Variants in ITGA9 observed in about 807,000 individuals in gnomAD.
The protein encoded by ITGA9 is integrin subunit alpha 9.
A neutral mutation model predicts 127.8 loss-of-function variants in ITGA9; 56 were observed. The ratio of observed to expected loss-of-function variants is 0.44; its 90% CI spans 0.35 to 0.55. The LOEUF is 0.55. Ranked by LOEUF, ITGA9 falls within the 20% of genes least tolerant of loss-of-function variation. The probability of loss-of-function intolerance (pLI) is 0.00; values close to 1 mark genes in which losing one functional copy is unlikely to be tolerated. For missense variants in ITGA9, 1,196 were observed against 1,347.1 expected (o/e 0.89, Z 1.76); for synonymous variants, 508 against 514.5 (o/e 0.99, Z 0.17).
intron 17 of ITGA9, among the ~76,000 whole-genome samples, chr3:37,655,377 T>C (rs567092771): frequency 1.3e-5 from 2 of 152,378 alleles, no homozygotes; most frequent in South Asian, 4.1e-4. Flanking sequence ...GACTTTTTAA[T>C]GATTGCCATT....
intron 15 of ITGA9, among the ~76,000 whole-genome samples, chr3:37,618,590 T>G (rs1700097700): frequency 6.6e-6 from 1 of 152,226 alleles, no homozygotes; most frequent in Non-Finnish European, 1.5e-5. Flanking sequence ...CAGACCTCCT[T>G]GAGCTCCGGT....
intron 15 of ITGA9, among the ~76,000 whole-genome samples, chr3:37,566,361 C>T (rs750756447): frequency 1.4e-4 from 22 of 152,162 alleles, no homozygotes; most frequent in Non-Finnish European, 1.0e-4. Flanking sequence ...TTTCATCACA[C>T]TACTCAGAAT....
chr3:37,765,795 G>C (rs1696773270), intron 23 of ITGA9, among the ~76,000 whole-genome samples: 1 of 152,234 alleles, frequency 6.6e-6, no homozygotes, highest in African/African-American at 2.4e-5. Flanking sequence ...TGTGTGGCCA[G>C]AGAGAATAAA....
chr3:37,497,821 C>T lies in ITGA9; in HGVS notation c.612+3253C>T, dbSNP rs35580509. Among the ~76,000 whole-genome samples the T allele has an allele frequency of 4.2e-3, 634 of 152,268 alleles. 2 individuals are homozygous for T. Among genetic ancestry groups the T allele is most frequent in the Middle Eastern group, 0.02 (6 of 294 alleles). On this transcript the variant is annotated intron_variant, in intron 5 of 27. Coordinates refer to ENST00000264741, the MANE Select transcript of ITGA9 (RefSeq NM_002207.3). Reference sequence around the variant, plus strand: ...GGCAGTGGGAACCACTGTAAGTTCACAAGCAGGTGACACACTGGCAGATGG... The same window carrying T: ...GGCAGTGGGAACCACTGTAAGTTCATAAGCAGGTGACACACTGGCAGATGG...
intron 15 of ITGA9, among the ~76,000 whole-genome samples, chr3:37,590,403 A>T (rs1387473395): frequency 6.6e-6 from 1 of 152,184 alleles, no homozygotes; most frequent in Non-Finnish European, 1.5e-5. Context: ...GAGGGTGTGC[A>T]TGAGGGAGCC....
At chr3:37,800,375 C>T (rs1697223351) in intron 26 of ITGA9, among the ~76,000 whole-genome samples, 1 of 152,210 alleles carries the variant, frequency 6.6e-6, no homozygotes. Flanking sequence ...CCCTATCAGA[C>T]CGCCATTTCA....
At chr3:37,490,062 G>A (rs922689028) in intron 4 of ITGA9, among the ~76,000 whole-genome samples, 1 of 152,000 alleles carries the variant, frequency 6.6e-6, no homozygotes, top group Non-Finnish European at 1.5e-5. Context: ...GATCCTGAGT[G>A]GCGGGGTGAG....
chr3:37,728,191 C>G (rs1455508808), intron 18 of ITGA9, among the ~76,000 whole-genome samples: 1 of 152,112 alleles, frequency 6.6e-6, no homozygotes, highest in East Asian at 1.9e-4. Flanking sequence ...TGGAAGCAAT[C>G]AGAGCACAGA....
rs114107553 is a variant in ITGA9 at position 37,489,668 on chromosome 3, C to T, written c.545-4833C>T. ...TAAACTGAGGGTAGTTTTATTCTCT[C>T]TTCATTTTTCTGTATAATTGCCCTT... On this transcript the variant is annotated intron_variant, in intron 4 of 27. Coordinates refer to ENST00000264741, the MANE Select transcript of ITGA9 (RefSeq NM_002207.3). Among the ~76,000 whole-genome samples the T allele has an allele frequency of 3.3e-3, 482 of 145,510 alleles. 2 individuals are homozygous for T. Among genetic ancestry groups the T allele is most frequent in the African/African-American group, 0.011 (431 of 39,574 alleles).
At chr3:37,540,415 G>C (rs1360340299) in intron 14 of ITGA9, among the ~76,000 whole-genome samples, 2 of 152,264 alleles carry the variant, frequency 1.3e-5, no homozygotes, top group Non-Finnish European at 2.9e-5. Flanking sequence ...GTTCAGGGAA[G>C]TTGTGATCAG....
At chr3:37,666,010 G>T (rs1157296029) in intron 17 of ITGA9, among the ~76,000 whole-genome samples, 1 of 152,208 alleles carries the variant, frequency 6.6e-6, no homozygotes, top group Non-Finnish European at 1.5e-5. Context: ...GTGTTCATTC[G>T]TTTGACAAAT....
At chr3:37,549,275 CT>C (rs1699357764) in intron 15 of ITGA9, among the ~76,000 whole-genome samples, 1 of 152,242 alleles carries the variant, frequency 6.6e-6, no homozygotes, top group Admixed American at 6.5e-5. Flanking sequence ...GGCTCTTAAT[CT>C]TCTGCATTTG....
In ITGA9 at chr3:37,767,108, G is replaced by C. The variant is rs544556665; in HGVS notation, c.2542-10284G>C. On this transcript the variant is annotated intron_variant, in intron 23 of 27. Coordinates refer to ENST00000264741, the MANE Select transcript of ITGA9 (RefSeq NM_002207.3). The stretch of plus-strand genomic sequence containing the variant: ...GTCACACGCAAAGGAAGAGGGAGGA[G>C]GGGAGGATGCAGGGGCATTGTTTTA... Among the ~76,000 whole-genome samples, 42 of 152,328 alleles carry C rather than the reference G, an allele frequency of 2.8e-4. 1 individual carries two copies. In the South Asian group the frequency reaches 3.3e-3, roughly 12 times the overall value.
intron 15 of ITGA9, among the ~76,000 whole-genome samples, chr3:37,567,142 A>T (rs1699555146): frequency 6.6e-6 from 1 of 152,258 alleles, no homozygotes; most frequent in Admixed American, 6.5e-5. Flanking sequence ...ATGAACGCAC[A>T]GTTCCACATG....
At chr3:37,592,331 C>T (rs538560649) in intron 15 of ITGA9, among the ~76,000 whole-genome samples, 4 of 152,244 alleles carry the variant, frequency 2.6e-5, no homozygotes, top group South Asian at 4.2e-4. Flanking sequence ...AGGTAGCTTC[C>T]TCCACGTGGT....
intron 23 of ITGA9, 53 bp downstream of exon 23, chr3:37,750,622 CA>C: frequency 7.8e-7 from 1 of 1,288,290 alleles, no homozygotes; most frequent in Non-Finnish European, 1.1e-6. Flanking sequence ...CCAGCCCATT[CA>C]AATTTTGTAT....
intron 3 of ITGA9, among the ~76,000 whole-genome samples, chr3:37,475,014 C>T (rs1375661463): frequency 6.6e-6 from 1 of 152,240 alleles, no homozygotes; most frequent in Non-Finnish European, 1.5e-5. Flanking sequence ...GTGGGGGCCT[C>T]CCTCCTGGAA....
At chr3:37,566,921 A>T (rs1287839986) in intron 15 of ITGA9, among the ~76,000 whole-genome samples, 1 of 152,224 alleles carries the variant, frequency 6.6e-6, no homozygotes, top group African/African-American at 2.4e-5. Flanking sequence ...CATTGATTAC[A>T]CTATGAGTCA....
At chr3:37,772,759 C>A (rs186107461) in intron 23 of ITGA9, among the ~76,000 whole-genome samples, 1 of 152,266 alleles carries the variant, frequency 6.6e-6, no homozygotes, top group African/African-American at 2.4e-5. Context: ...AAAAACGTTG[C>A]TTTCCCCGAT....
Sources: gnomAD v4.1 joint callset for allele counts (sites outside exome capture counted in the v4.1 genomes callset) on GRCh38, gnomAD v4.1.1 for gene constraint, MANE v1.5 for transcripts, NCBI Gene and HGNC (gene_info 2026-07-23, HGNC 2026-07-21) for gene names.